ABCA12: variants seen among roughly 807,000 people sequenced by gnomAD.
ABCA12 encodes glucosylceramide transporter ABCA12.
In ABCA12, 156 loss-of-function variants were observed where a neutral mutation model predicts 293.5. The observed-to-expected ratio is 0.53, with a 90% CI of 0.47 to 0.61. The LOEUF is 0.61. Ranked by LOEUF, ABCA12 falls within the 20% of genes least tolerant of loss-of-function variation. The pLI is 0.00. For missense variants in ABCA12, 2,797 were observed against 3,090.2 expected, an observed-to-expected ratio of 0.91 and a Z score of 2.25; for synonymous variants, 1,063 against 1,108.0, an observed-to-expected ratio of 0.96 and a Z score of 0.81.
chr2:215,081,324 A>G (rs1265076440), intron 2 of ABCA12, among the ~76,000 whole-genome samples: 2 of 151,936 alleles, frequency 1.3e-5, no homozygotes, highest in African/African-American at 4.8e-5. Context: ...CTAAAAATAC[A>G]AAAATTAGCA....
chr2:215,059,980 T>G (rs1473026847), intron 3 of ABCA12, among the ~76,000 whole-genome samples: 1 of 151,992 alleles, frequency 6.6e-6, no homozygotes, highest in Non-Finnish European at 1.5e-5. Flanking sequence ...CTGTTCTCAA[T>G]GACGACACTC....
At position 214,966,110 on chromosome 2, in the gene ABCA12, T is replaced by C. The variant is rs1699251663; in HGVS notation, c.5884+738A>G. Among the ~76,000 whole-genome samples, 3 of 152,120 alleles carry C rather than the reference T, an allele frequency of 2.0e-5. No homozygotes were observed. In the South Asian group the frequency reaches 6.2e-4, roughly 32 times the overall value. ...GGGAGATGGATGGAGCTGGAAGCCA[T>C]TATCCTCAGCAAACTAATGTAGGAA... On this transcript the variant is annotated intron_variant, in intron 39 of 52. Transcript: ENST00000272895.
chr2:214,940,707 G>A (rs1698370881), intron 50 of ABCA12, among the ~76,000 whole-genome samples: 1 of 152,098 alleles, frequency 6.6e-6, no homozygotes, highest in South Asian at 2.1e-4. Flanking sequence ...GAGGGTGTAT[G>A]TGTTCAGGAA....
chr2:214,944,054 A>AG (rs1180122638), intron 49 of ABCA12, among the ~76,000 whole-genome samples: 2 of 152,150 alleles, frequency 1.3e-5, no homozygotes, highest in Non-Finnish European at 1.5e-5. Flanking sequence ...TGCTTTGTGG[A>AG]GGAGAGGTAT....
At chr2:214,983,479 G>A (rs956675287) in intron 29 of ABCA12, among the ~76,000 whole-genome samples, 168 bp downstream of exon 29, 1 of 152,074 alleles carries the variant, frequency 6.6e-6, no homozygotes, top group African/African-American at 2.4e-5. Flanking sequence ...TGGCCGGTAA[G>A]GATAATGACC....
chr2:215,012,797 T>C (rs1197521337), intron 15 of ABCA12, among the ~76,000 whole-genome samples: 2 of 152,150 alleles, frequency 1.3e-5, no homozygotes, highest in Non-Finnish European at 2.9e-5. Flanking sequence ...ATATAAATAA[T>C]ACCTCAATAA....
rs368602071 is a variant in ABCA12 at position 214,949,377 on chromosome 2, T to TACACAC, written c.6853-234_6853-229dup. Among the ~76,000 whole-genome samples the TACACAC allele has an allele frequency of 2.1e-3, 304 of 143,128 alleles. 2 individuals are homozygous for TACACAC. The highest frequency in any genetic ancestry group is 7.7e-3 in the African/African-American group (288 of 37,532). 93.9% of individuals were successfully genotyped at this position (143,128 alleles called of 152,430 possible). A position where few individuals can be genotyped will look rare whatever the true frequency, so the allele number is the denominator to read the frequency against. On this transcript the variant is annotated intron_variant, in intron 45 of 52. Coordinates refer to ENST00000272895, the MANE Select transcript of ABCA12 (RefSeq NM_173076.3). ...ATCTGAATATATATATATATATATA[T>TACACAC]ACACACACACACACACACACACACA...
Position 214,970,291 on chromosome 2 carries a change from T to G in ABCA12, c.5672A>C (p.Asn1891Thr). ...ATTTTACCTTTTTTGGACAAACTCA[T>G]TTGCAGTTGATATAAGATAATTTTC... ...RVENYLISTA[N>T]EFVQKRYGGW... is the part of the protein sequence containing the mutation. Residue 1891 changes from asparagine (N) to threonine (T), a missense_variant, in exon 37 of 53, where the codon AAT becomes ACT. Physicochemically the swap from Asn to Thr is moderately conservative, Grantham distance 65 (BLOSUM62 0). This residue lies in a region of ABCA12 where 2,130 missense variants were observed against 2,427.0 expected (regional missense o/e 0.88). Coordinates refer to ENST00000272895, the MANE Select transcript of ABCA12 (RefSeq NM_173076.3). The G allele has an allele frequency of 1.9e-6, 3 of 1,612,512 alleles. No individual in the cohort carries two copies. Among genetic ancestry groups the G allele is most frequent in the Non-Finnish European group, 2.5e-6 (3 of 1,179,212 alleles).
chr2:215,064,210 G>A lies in ABCA12; in HGVS notation c.173C>T (p.Ala58Val). The A allele has an allele frequency of 6.2e-7, 1 of 1,612,446 alleles. No individual in the cohort carries two copies. The highest frequency in any genetic ancestry group is 1.1e-5 in the South Asian group (1 of 91,066). ...PPTAKPTCYL[A>V]PRNLPSTGFF... is the part of the protein sequence containing the mutation. ...TCCAGTACTAGGAAGGTTTCGAGGT[G>A]CGAGGTAACCTAAAATTAAAAAAAC... The change falls in exon 3 of 53, where the codon GCA (alanine) becomes GTA (valine). Residue 58 changes from alanine (A) to valine (V), a missense_variant. Around this residue, in one of 3 missense-constraint regions of ABCA12, gnomAD observed 656 missense variants for 638.2 expected, o/e 1.03. Transcript: ENST00000272895.
At position 214,973,982 on chromosome 2, in the gene ABCA12, A is replaced by G; in HGVS notation, c.5529T>C (p.Asn1843=). The G allele has an allele frequency of 1.9e-6, 3 of 1,614,044 alleles. No homozygotes were observed. The highest frequency in any genetic ancestry group is 2.5e-6 in the Non-Finnish European group (3 of 1,179,956). The change falls in exon 36 of 53, where the codon AAT becomes AAC. Residue 1843 remains asparagine, a synonymous_variant. Coordinates refer to ENST00000272895, the MANE Select transcript of ABCA12 (RefSeq NM_173076.3). ...TTTCTGAGCAGGAGCAAACACCAAA[A>G]TTAGTGATGGGTTCTCCACTGGTGT... ...KWNTSGEPIT[N]FGVCSCSENV...
Position 214,990,707 on chromosome 2 carries a change from A to T in ABCA12, c.3619T>A (p.Phe1207Ile), listed in dbSNP as rs1411002556. The change falls in exon 24 of 53, where the codon TTC becomes ATC. Residue 1207 changes from phenylalanine (F) to isoleucine (I), a missense_variant. This residue lies in a region of ABCA12 where 2,130 missense variants were observed against 2,427.0 expected (regional missense o/e 0.88). Transcript: ENST00000272895. ...ENELSYVLKV[F>I]MSLLSPTAFS... ...CATTCCAACGGTTGACTTACCATGA[A>T]CACTTTCAATACATAGCTCAACTCA... is the stretch of plus-strand genomic sequence containing the variant. 1 of 1,614,032 alleles carries T rather than the reference A, an allele frequency of 6.2e-7. No individual in the cohort carries two copies. Among genetic ancestry groups the T allele is most frequent in the African/African-American group, 1.3e-5 (1 of 75,052 alleles).
At chr2:214,995,235 G>A (rs569493013) in intron 23 of ABCA12, among the ~76,000 whole-genome samples, 43 of 152,118 alleles carry the variant, frequency 2.8e-4, no homozygotes, top group Non-Finnish European at 4.1e-4. Context: ...TTCTTGCCAG[G>A]ACTGAGAATA....
chr2:214,981,984 ATT>A lies in ABCA12; in HGVS notation c.4579+201_4579+202del, dbSNP rs1553524838. On this transcript the variant is annotated intron_variant, in intron 30 of 52. Coordinates refer to ENST00000272895, the MANE Select transcript of ABCA12 (RefSeq NM_173076.3). ...TATTATTATTATTATTATTATTATT[ATT>A]TTATTATTATTGACAGCGTCTCACT... 6.9e-3 allele frequency among the ~76,000 whole-genome samples: 914 copies of A among 132,262 alleles called. 10 individuals carry two copies. Among genetic ancestry groups the A allele is most frequent in the African/African-American group, 0.025 (850 of 33,746 alleles). The allele number at this position is 132,262 out of a possible 152,430, so 86.8% of individuals were successfully genotyped here. A position where few individuals can be genotyped will look rare whatever the true frequency, so the allele number is the denominator to read the frequency against.
chr2:215,050,244 T>C, intron 5 of ABCA12, among the ~76,000 whole-genome samples: 1 of 152,130 alleles, frequency 6.6e-6, no homozygotes, highest in East Asian at 1.9e-4. Context: ...CAGAAGGAGC[T>C]TCGAGGTCTA....
At chr2:214,932,791 A>AAAAAT in intron 52 of ABCA12, 50 bp from the exon 53 acceptor site, 1 of 1,334,622 alleles carries the variant, frequency 7.5e-7, no homozygotes, top group Non-Finnish European at 1.1e-6. Context: ...AGCCAAAGGA[A>AAAAAT]AAAATAAAGT....
intron 6 of ABCA12, among the ~76,000 whole-genome samples, chr2:215,047,109 T>C (rs530705486): frequency 2.0e-5 from 3 of 152,250 alleles, no homozygotes; most frequent in Non-Finnish European, 4.4e-5. Flanking sequence ...TCCAGATAAA[T>C]AGCTAATGCA....
intron 35 of ABCA12, 26 bp downstream of exon 35, chr2:214,974,752 A>G (rs777041207): frequency 1.2e-6 from 2 of 1,611,810 alleles, no homozygotes; most frequent in Non-Finnish European, 1.7e-6. Flanking sequence ...CTGAAAACAA[A>G]AAATAGAAGA....
chr2:214,987,450 C>A (rs1699812404), intron 27 of ABCA12, among the ~76,000 whole-genome samples, 197 bp downstream of exon 27: 1 of 152,116 alleles, frequency 6.6e-6, no homozygotes, highest in Non-Finnish European at 1.5e-5. Context: ...CATATGCTAA[C>A]CAACTGAGCT....
intron 6 of ABCA12, among the ~76,000 whole-genome samples, chr2:215,047,052 C>A (rs562058088): frequency 1.3e-5 from 2 of 152,184 alleles, no homozygotes; most frequent in Non-Finnish European, 2.9e-5. Context: ...CAGAGGGGAA[C>A]AACACACACT....
Sources: allele counts gnomAD v4.1 joint callset (sites outside exome capture counted in the v4.1 genomes callset), GRCh38; gene constraint gnomAD v4.1.1; regional missense constraint gnomAD v4.1.1; transcripts MANE v1.5; gene names NCBI Gene and HGNC (gene_info 2026-07-23, HGNC 2026-07-21).